EPB41L4A: variants seen among roughly 807,000 people sequenced by gnomAD.
The protein encoded by EPB41L4A is band 4.1-like protein 4A.
EPB41L4A carries 100 observed loss-of-function variants against 108.6 expected under a neutral mutation model. The ratio of observed to expected loss-of-function variants is 0.92; its 90% CI spans 0.78 to 1.09. The LOEUF (loss-of-function observed/expected upper bound fraction) is 1.09. Among genes scored for constraint, EPB41L4A ranks in the 50% least tolerant of loss-of-function variants. The pLI is 0.00. For missense variants in EPB41L4A, 1,030 were observed against 842.7 expected (o/e 1.22, Z -2.75); for synonymous variants, 319 against 289.0 (o/e 1.10, Z -1.05).
downstream of EPB41L4A, among the ~76,000 whole-genome samples, chr5:112,157,835 A>AC (rs1759704207): frequency 1.3e-5 from 2 of 152,238 alleles, no homozygotes; most frequent in Non-Finnish European, 2.9e-5. Flanking sequence ...TCTGCCTTCC[A>AC]CACAGGGAAA....
intron 1 of EPB41L4A, among the ~76,000 whole-genome samples, chr5:112,349,734 T>C (rs1580735383): frequency 6.6e-6 from 1 of 152,160 alleles, no homozygotes; most frequent in East Asian, 1.9e-4. Flanking sequence ...CAGAACAACA[T>C]GGGGTCCAAA....
chr5:112,419,664 A>C (rs764321568), upstream of EPB41L4A: 4 of 456,580 alleles, frequency 8.8e-6, no homozygotes, highest in South Asian at 6.2e-5. Context: ...GCGCAGGGGC[A>C]GAGGCGAAGG....
intron 1 of EPB41L4A, among the ~76,000 whole-genome samples, chr5:112,415,178 T>C (rs2112835457): frequency 6.6e-6 from 1 of 152,290 alleles, no homozygotes; most frequent in Admixed American, 6.5e-5. Context: ...CTTGTTTTCC[T>C]AGCTTATTAG....
At chr5:112,271,607 T>A (rs10059647) in intron 4 of EPB41L4A, among the ~76,000 whole-genome samples, 1 of 152,024 alleles carries the variant, frequency 6.6e-6, no homozygotes, top group East Asian at 1.9e-4. Flanking sequence ...AACAAATGTA[T>A]GTATTATACT....
At chr5:112,250,659 T>A (rs1212090691) in intron 9 of EPB41L4A, 2 of 152,132 alleles carry the variant, frequency 1.3e-5, no homozygotes, top group African/African-American at 4.8e-5. Context: ...GTGTTTCAAT[T>A]ATGGACAAAA....
chr5:112,372,075 A>G (rs565079988), intron 1 of EPB41L4A, among the ~76,000 whole-genome samples: 2 of 152,212 alleles, frequency 1.3e-5, no homozygotes, highest in African/African-American at 2.4e-5. Context: ...ATCAACAGTG[A>G]TAAGTATTAG....
At chr5:112,177,447 C>T (rs917135657) in intron 18 of EPB41L4A, among the ~76,000 whole-genome samples, 1 of 152,168 alleles carries the variant, frequency 6.6e-6, no homozygotes, top group African/African-American at 2.4e-5. Context: ...TTAACAACAG[C>T]CTTAATTCCA....
At chr5:112,308,660 G>C (rs1416531853) in intron 1 of EPB41L4A, among the ~76,000 whole-genome samples, 1 of 152,096 alleles carries the variant, frequency 6.6e-6, no homozygotes, top group Non-Finnish European at 1.5e-5. Context: ...GACATTTTCT[G>C]CAATAATCAC....
At chr5:112,406,167 G>T (rs1450472462) in intron 1 of EPB41L4A, among the ~76,000 whole-genome samples, 1 of 152,198 alleles carries the variant, frequency 6.6e-6, no homozygotes, top group African/African-American at 2.4e-5. Flanking sequence ...CTTGTAAACA[G>T]CAGCAGAAGC....
At chr5:112,198,322 C>T (rs539500896) in intron 15 of EPB41L4A, among the ~76,000 whole-genome samples, 8 of 152,230 alleles carry the variant, frequency 5.3e-5, no homozygotes, top group South Asian at 2.1e-4. Flanking sequence ...CATGAGCCAC[C>T]GTACATGGCT....
intron 12 of EPB41L4A, among the ~76,000 whole-genome samples, chr5:112,211,842 A>C (rs570166442): frequency 2.6e-5 from 4 of 152,352 alleles, no homozygotes; most frequent in Admixed American, 2.6e-4. Context: ...AAGGCATTTG[A>C]CATGGGATTC....
At position 112,169,108 on chromosome 5, in the gene EPB41L4A, G is replaced by A. The variant is rs1399518470; in HGVS notation, c.1740-3C>T. 1 of 1,606,026 alleles carries A rather than the reference G, an allele frequency of 6.2e-7. No individual in the cohort carries two copies. Among genetic ancestry groups the A allele is most frequent in the South Asian group, 1.1e-5 (1 of 90,912 alleles). On this transcript the variant is annotated splice_region_variant and splice_polypyrimidine_tract_variant and intron_variant, in intron 20 of 22. Coordinates refer to ENST00000261486, the MANE Select transcript of EPB41L4A (RefSeq NM_022140.5). The stretch of plus-strand genomic sequence containing the variant: ...TGCGGATTGGGTCACCTTGTGTCCT[G>A]AACAAGCAACCAAGAAACATGAAAA...
chr5:112,405,394 A>G (rs1762020818), intron 1 of EPB41L4A, among the ~76,000 whole-genome samples: 1 of 152,220 alleles, frequency 6.6e-6, no homozygotes, highest in Non-Finnish European at 1.5e-5. Flanking sequence ...GATCCACAGA[A>G]ATTGTTGATG....
At chr5:112,208,946 C>A (rs1013648020) in intron 13 of EPB41L4A, among the ~76,000 whole-genome samples, 7 of 152,074 alleles carry the variant, frequency 4.6e-5, no homozygotes, top group Non-Finnish European at 5.9e-5. Flanking sequence ...AACTTGTCAT[C>A]CTAAAAGGAG....
chr5:112,355,559 G>C (rs1467383176), intron 1 of EPB41L4A, among the ~76,000 whole-genome samples: 1 of 152,088 alleles, frequency 6.6e-6, no homozygotes, highest in East Asian at 1.9e-4. Flanking sequence ...TTCATTTCTG[G>C]TTCCTCATTA....
upstream of EPB41L4A, chr5:112,419,566 C>G (rs754550563): frequency 2.2e-6 from 1 of 444,864 alleles, no homozygotes. Context: ...GCCGCGACCC[C>G]GCCCCGCAGC....
chr5:112,370,351 T>G (rs1759414208), intron 1 of EPB41L4A, among the ~76,000 whole-genome samples: 1 of 152,096 alleles, frequency 6.6e-6, no homozygotes. Context: ...TACTCACTTT[T>G]AATCTCTCGA....
At chr5:112,286,451 C>G (rs13170079) in intron 2 of EPB41L4A, among the ~76,000 whole-genome samples, 25,956 of 152,172 alleles carry the variant, frequency 0.17, 2,404 homozygotes, top group East Asian at 0.35. Context: ...CTTAATAATT[C>G]TTGACACTTT....
intron 12 of EPB41L4A, among the ~76,000 whole-genome samples, chr5:112,230,567 T>C (rs1478587135): frequency 6.6e-6 from 1 of 152,180 alleles, no homozygotes; most frequent in Non-Finnish European, 1.5e-5. Context: ...TGCCCACTTT[T>C]TGATGGGTTA....
Sources: gnomAD v4.1 joint callset for allele counts (sites outside exome capture counted in the v4.1 genomes callset) on GRCh38, gnomAD v4.1.1 for gene constraint, MANE v1.5 for transcripts, NCBI Gene and HGNC (gene_info 2026-07-23, HGNC 2026-07-21) for gene names.